CLSTN2: variants seen among roughly 807,000 people sequenced by gnomAD.
CLSTN2 encodes the protein calsyntenin-2.
In CLSTN2, 48 loss-of-function variants were observed where a neutral mutation model predicts 101.2. The ratio of observed to expected loss-of-function variants is 0.47; its 90% confidence interval spans 0.38 to 0.60. CLSTN2 has a LOEUF of 0.60. CLSTN2 is among the 20% of genes least tolerant of loss of function. The pLI is 0.00. For synonymous variants in CLSTN2, 481 were observed against 463.6 expected (o/e 1.04, Z -0.48); for missense variants, 1,160 against 1,238.2 (o/e 0.94, Z 0.95).
rs1416667565 is a variant in CLSTN2, at chr3:140,558,723, C to A, written c.1907C>A (p.Thr636Asn). ...CTCCAGGCCATCGAGCCCCGGATCA[C>A]CCTCCGGGGCACAGACCACTTCTGG... is the stretch of plus-strand genomic sequence containing the variant. ...MVLQAIEPRITLRGTDHFWRP... is the reference protein window; with the variant it reads ...MVLQAIEPRINLRGTDHFWRP... The change falls in exon 12 of 17, where the codon ACC becomes AAC. Residue 636 changes from threonine to asparagine, a missense_variant. By Grantham distance (65) the Thr-to-Asn change is moderately conservative. Coordinates refer to ENST00000458420, the MANE Select transcript of CLSTN2 (RefSeq NM_022131.3). 2.5e-6 allele frequency: 4 copies of A among 1,613,960 alleles called. No homozygotes were observed.
intron 5 of CLSTN2, among the ~76,000 whole-genome samples, chr3:140,438,687 G>T (rs909034725): frequency 1.3e-5 from 2 of 152,140 alleles, no homozygotes; most frequent in African/African-American, 4.8e-5. Flanking sequence ...TTGCCTGGAA[G>T]ATGCTCATGT....
At chr3:140,010,913 C>A (rs558123355) in intron 1 of CLSTN2, among the ~76,000 whole-genome samples, 1 of 152,348 alleles carries the variant, frequency 6.6e-6, no homozygotes, top group Admixed American at 6.5e-5. Flanking sequence ...TATTCTAGAT[C>A]TGGTAGTCCC....
At chr3:140,314,662 C>T (rs926552902) in intron 2 of CLSTN2, among the ~76,000 whole-genome samples, 10 of 152,030 alleles carry the variant, frequency 6.6e-5, no homozygotes, top group Non-Finnish European at 1.5e-4. Flanking sequence ...ATCTGGATTT[C>T]TAATCTTTGA....
At chr3:140,007,076 AATAAC>A (rs537651165) in intron 1 of CLSTN2, among the ~76,000 whole-genome samples, 90 of 152,312 alleles carry the variant, frequency 5.9e-4, no homozygotes, top group Middle Eastern at 3.4e-3. Flanking sequence ...GAGGGTGATG[AATAAC>A]TACACATTCA....
intron 1 of CLSTN2, among the ~76,000 whole-genome samples, chr3:140,102,865 G>T (rs968252875): frequency 6.6e-6 from 1 of 152,142 alleles, no homozygotes; most frequent in Non-Finnish European, 1.5e-5. Flanking sequence ...AAAACTTTCT[G>T]TGATAAGCAA....
intron 6 of CLSTN2, among the ~76,000 whole-genome samples, chr3:140,455,063 A>T (rs754849403): frequency 3.9e-5 from 6 of 152,246 alleles, no homozygotes; most frequent in Non-Finnish European, 8.8e-5. Flanking sequence ...CCCCCAAGGT[A>T]GAGCCACTTC....
At chr3:140,434,037 G>A (rs948597099) in intron 5 of CLSTN2, among the ~76,000 whole-genome samples, 4 of 152,146 alleles carry the variant, frequency 2.6e-5, no homozygotes, top group Non-Finnish European at 5.9e-5. Flanking sequence ...CCCAGTGGAG[G>A]GCAGCCCCAG....
At chr3:139,958,948 G>C (rs1188922352) in intron 1 of CLSTN2, among the ~76,000 whole-genome samples, 1 of 151,098 alleles carries the variant, frequency 6.6e-6, no homozygotes, top group Admixed American at 6.6e-5. Context: ...CTGTTACTTA[G>C]CTCTGTAAGG....
intron 2 of CLSTN2, among the ~76,000 whole-genome samples, chr3:140,233,397 A>T (rs773703378): frequency 6.6e-6 from 1 of 152,100 alleles, no homozygotes; most frequent in Non-Finnish European, 1.5e-5. Flanking sequence ...GCAGCACCCC[A>T]TGGCTATCTC....
intron 5 of CLSTN2, among the ~76,000 whole-genome samples, chr3:140,434,012 C>T (rs2088663050): frequency 6.6e-6 from 1 of 152,204 alleles, no homozygotes; most frequent in Non-Finnish European, 1.5e-5. Context: ...GGCTTCCTTC[C>T]TGCTCTCTGC....
intron 5 of CLSTN2, among the ~76,000 whole-genome samples, chr3:140,435,635 G>A (rs116807265): frequency 0.031 from 4,679 of 152,146 alleles, 112 homozygotes; most frequent in Middle Eastern, 0.069. Flanking sequence ...GTTTTTTGAG[G>A]AATCTCAAAA....
chr3:139,957,805 G>A (rs1560053890), intron 1 of CLSTN2, among the ~76,000 whole-genome samples: 1 of 152,298 alleles, frequency 6.6e-6, no homozygotes, highest in East Asian at 1.9e-4. Flanking sequence ...TTTGCCACAA[G>A]CTGCTCTTGG....
At chr3:140,221,359 C>G (rs1433812425) in intron 2 of CLSTN2, among the ~76,000 whole-genome samples, 1 of 152,072 alleles carries the variant, frequency 6.6e-6, no homozygotes, top group African/African-American at 2.4e-5. Context: ...TTGCCCTCAA[C>G]TTTGCAGAGG....
At chr3:140,554,897 C>T (rs1363409157) in intron 10 of CLSTN2, among the ~76,000 whole-genome samples, 2 of 151,922 alleles carry the variant, frequency 1.3e-5, no homozygotes, top group Non-Finnish European at 2.9e-5. Flanking sequence ...GTATGAGGTA[C>T]TTTTGATATA....
chr3:139,994,408 C>A (rs544765182), intron 1 of CLSTN2, among the ~76,000 whole-genome samples: 1 of 152,342 alleles, frequency 6.6e-6, no homozygotes, highest in South Asian at 2.1e-4. Context: ...ACCCACTTAA[C>A]TGATGAGGAA....
chr3:140,128,071 G>A (rs893899082), intron 1 of CLSTN2, among the ~76,000 whole-genome samples: 1 of 152,056 alleles, frequency 6.6e-6, no homozygotes, highest in Non-Finnish European at 1.5e-5. Flanking sequence ...CTTAACCTGT[G>A]GTTTAGGAAC....
intron 1 of CLSTN2, among the ~76,000 whole-genome samples, chr3:140,096,345 T>C (rs1438240229): frequency 1.3e-5 from 2 of 152,206 alleles, no homozygotes; most frequent in South Asian, 2.1e-4. Flanking sequence ...GTGGAAGGTT[T>C]CCGATAATTC....
intron 7 of CLSTN2, among the ~76,000 whole-genome samples, chr3:140,464,036 T>C (rs1248271637): frequency 6.6e-6 from 1 of 152,210 alleles, no homozygotes; most frequent in East Asian, 1.9e-4. Context: ...TAAAGATTTA[T>C]AGCAGGGCCA....
intron 2 of CLSTN2, among the ~76,000 whole-genome samples, chr3:140,200,040 C>T (rs1328123799): frequency 1.3e-5 from 2 of 152,162 alleles, no homozygotes; most frequent in Non-Finnish European, 2.9e-5. Flanking sequence ...GTACCTCCTA[C>T]AAGGCCTTTA....
Sources: allele counts gnomAD v4.1 joint callset (sites outside exome capture counted in the v4.1 genomes callset), GRCh38; gene constraint gnomAD v4.1.1; transcripts MANE v1.5; gene names NCBI Gene and HGNC (gene_info 2026-07-23, HGNC 2026-07-21).